Variants in DHX15 observed in about 807,000 individuals in gnomAD.
DHX15 encodes the protein ATP-dependent RNA helicase DHX15.
DHX15 carries 11 observed loss-of-function variants against 94.4 expected under a neutral mutation model. The observed-to-expected ratio is 0.12, with a 90% CI of 0.07 to 0.19. The LOEUF is 0.19. Ranked by LOEUF, DHX15 falls within the 10% of genes least tolerant of loss-of-function variation. The pLI is 1.00. For missense variants in DHX15, 304 were observed against 988.5 expected, an observed-to-expected ratio of 0.31 and a Z score of 9.29; for synonymous variants, 338 against 329.9, an observed-to-expected ratio of 1.02 and a Z score of -0.27.
chr4:24,530,335 T>A (rs1721050721), intron 12 of DHX15: 2 of 154,476 alleles, frequency 1.3e-5, no homozygotes, highest in Admixed American at 1.3e-4. Flanking sequence ...CCCAGCACTT[T>A]GGGAGGCTGA....
At position 24,527,506 on chromosome 4, in the gene DHX15, C is replaced by A. The variant is rs1720984173; in HGVS notation, c.*418G>T. Reference sequence around the variant, plus strand: ...TAAATAGACTTTATTGAAGTCAGTGCCTCTGTACTGAGACAGAAGATTGTG... The same window carrying A: ...TAAATAGACTTTATTGAAGTCAGTGACTCTGTACTGAGACAGAAGATTGTG... On this transcript the variant is annotated 3_prime_UTR_variant, in exon 14 of 14. Transcript: ENST00000336812. The A allele has an allele frequency of 6.4e-6, 1 of 157,126 alleles. No individual in the cohort carries two copies. The highest frequency in any genetic ancestry group is 2.0e-4 in the South Asian group (1 of 5,122). 9.7% of individuals were successfully genotyped at this position (157,126 alleles called of 1,614,324 possible). A position where few individuals can be genotyped will look rare whatever the true frequency, so the allele number is the denominator to read the frequency against.
At chr4:24,578,240 A>G (rs763181749) in intron 1 of DHX15, among the ~76,000 whole-genome samples, 1 of 152,220 alleles carries the variant, frequency 6.6e-6, no homozygotes, top group Non-Finnish European at 1.5e-5. Flanking sequence ...AATACTTGAG[A>G]GTCTGGACCT....
intron 2 of DHX15, among the ~76,000 whole-genome samples, chr4:24,575,611 G>C (rs555097281): frequency 3.3e-5 from 5 of 152,256 alleles, no homozygotes; most frequent in Non-Finnish European, 5.9e-5. Context: ...CCAGCTTTCT[G>C]TATCACAATT....
chr4:24,576,585 T>C lies in DHX15; in HGVS notation c.165A>G (p.Lys55=). 6.2e-7 allele frequency: 1 copy of C among 1,614,148 alleles called. No homozygotes were observed. ...AAGCTCGCAACTCCTTCTCCTTTTC[T>C]TTCTCCCTCTCTCGCTCTCTATCTC... ...DRGDRERERE[K]EKEKELRAST... is the part of the protein sequence containing the mutation. The change falls in exon 2 of 14, where the codon AAA becomes AAG. Residue 55 remains lysine, a synonymous_variant. Transcript: ENST00000336812.
intron 2 of DHX15, among the ~76,000 whole-genome samples, chr4:24,571,718 T>TG (rs1722127089): frequency 1.3e-5 from 2 of 152,224 alleles, no homozygotes; most frequent in South Asian, 4.1e-4. Flanking sequence ...ACAGGAAACA[T>TG]GGAGTTTTCT....
intron 6 of DHX15, among the ~76,000 whole-genome samples, chr4:24,548,509 T>C (rs1180160234): frequency 6.6e-6 from 1 of 152,200 alleles, no homozygotes; most frequent in East Asian, 1.9e-4. Context: ...ACATTACATT[T>C]GGGAAGCCTT....
intron 3 of DHX15, among the ~76,000 whole-genome samples, chr4:24,559,375 T>TAAAAA (rs535455690): frequency 8.6e-5 from 8 of 93,354 alleles, no homozygotes; most frequent in Admixed American, 3.4e-4. Context: ...TTTAAGCCAC[T>TAAAAA]AAAAAAAAAA....
At chr4:24,546,994 T>C (rs1236726628) in intron 6 of DHX15, among the ~76,000 whole-genome samples, 1 of 152,230 alleles carries the variant, frequency 6.6e-6, no homozygotes, top group African/African-American at 2.4e-5. Flanking sequence ...AGATCCCTCC[T>C]CTATAAGCCA....
At chr4:24,573,936 CT>C (rs76449273) in intron 2 of DHX15, among the ~76,000 whole-genome samples, 31,604 of 151,790 alleles carry the variant, frequency 0.21, 3,534 homozygotes, top group East Asian at 0.39. Flanking sequence ...TGGCTTGGGC[CT>C]GTAATCCCAG....
At chr4:24,544,474 CAT>C (rs1393969504) in intron 6 of DHX15, among the ~76,000 whole-genome samples, 1 of 152,160 alleles carries the variant, frequency 6.6e-6, no homozygotes, top group Non-Finnish European at 1.5e-5. Context: ...TAAGAAACCA[CAT>C]GTGGTTTGAT....
chr4:24,552,959 A>G (rs1002057948), intron 5 of DHX15, among the ~76,000 whole-genome samples: 15 of 152,264 alleles, frequency 9.9e-5, no homozygotes, highest in Non-Finnish European at 1.5e-4. Context: ...AGGCCATTTG[A>G]TATTTCTGAT....
chr4:24,533,523 A>G (rs1000620114), intron 11 of DHX15: 3 of 160,646 alleles, frequency 1.9e-5, no homozygotes, highest in African/African-American at 7.2e-5. Flanking sequence ...TTTTATTGCG[A>G]CACACGTGTC....
intron 8 of DHX15, 116 bp downstream of exon 8, chr4:24,541,757 C>A (rs1196170635): frequency 9.1e-7 from 1 of 1,099,972 alleles, no homozygotes; most frequent in Non-Finnish European, 1.3e-6. Context: ...CCTGGAAAAG[C>A]TAAGGAGCTT....
intron 2 of DHX15, among the ~76,000 whole-genome samples, chr4:24,571,687 C>G (rs776668783): frequency 7.2e-5 from 11 of 152,160 alleles, no homozygotes; most frequent in Non-Finnish European, 1.6e-4. Context: ...AGCTTCCAAA[C>G]GCCTATCAAA....
chr4:24,546,256 C>A (rs1721422195), intron 6 of DHX15, among the ~76,000 whole-genome samples: 1 of 152,206 alleles, frequency 6.6e-6, no homozygotes, highest in Non-Finnish European at 1.5e-5. Context: ...TTTAAAACTA[C>A]AGGACCATCT....
chr4:24,581,603 C>T (rs1359872196), intron 1 of DHX15, among the ~76,000 whole-genome samples: 1 of 152,106 alleles, frequency 6.6e-6, no homozygotes, highest in Non-Finnish European at 1.5e-5. Flanking sequence ...CCTCATCTAC[C>T]ATACAGGATT....
At chr4:24,554,433 C>T (rs573759052) in intron 5 of DHX15, among the ~76,000 whole-genome samples, 4 of 152,274 alleles carry the variant, frequency 2.6e-5, no homozygotes, top group South Asian at 2.1e-4. Context: ...CACATTCATG[C>T]TTCAGCATAA....
chr4:24,532,183 A>G (rs1003305856), intron 12 of DHX15, among the ~76,000 whole-genome samples: 1 of 152,246 alleles, frequency 6.6e-6, no homozygotes, highest in South Asian at 2.1e-4. Context: ...TATTTACTTG[A>G]CAAGTTTTAC....
intron 6 of DHX15, among the ~76,000 whole-genome samples, chr4:24,547,897 GTATGTGTATATA>G (rs755569589): frequency 0.16 from 8,683 of 55,158 alleles, 464 homozygotes; most frequent in Middle Eastern, 0.28. Flanking sequence ...CTCTATGTAT[GTATGTGTATATA>G]TATATATATA....
Sources: gnomAD v4.1 joint callset for allele counts (sites outside exome capture counted in the v4.1 genomes callset) on GRCh38, gnomAD v4.1.1 for gene constraint, MANE v1.5 for transcripts, NCBI Gene and HGNC (gene_info 2026-07-23, HGNC 2026-07-21) for gene names.